The following CARF variants were observed in gnomAD, a reference collection of about 807,000 sequenced individuals.
CARF encodes the protein calcium-responsive transcription factor.
CARF carries 57 observed loss-of-function variants against 82.0 expected under a neutral mutation model. The ratio of observed to expected loss-of-function variants is 0.70; its 90% confidence interval spans 0.56 to 0.87. CARF has a LOEUF of 0.87. CARF is among the 40% of genes least tolerant of loss of function. The pLI, the probability that CARF is intolerant of heterozygous loss-of-function variation, is 0.00. For missense variants in CARF, 771 were observed against 855.8 expected, an observed-to-expected ratio of 0.90 and a Z score of 1.24; for synonymous variants, 268 against 290.1, an observed-to-expected ratio of 0.92 and a Z score of 0.77.
chr2:202,913,255 TAGAG>T (rs1338680435), intron 1 of CARF, 153 bp downstream of exon 1: 2 of 152,206 alleles, frequency 1.3e-5, no homozygotes, highest in Non-Finnish European at 2.9e-5. Flanking sequence ...TAATTTTTAT[TAGAG>T]AGCAATGACA....
At chr2:202,974,240 G>A (rs1273961601) in intron 12 of CARF, 94 bp from the exon 13 acceptor site, 1 of 862,550 alleles carries the variant, frequency 1.2e-6, no homozygotes, top group Non-Finnish European at 1.7e-6. Flanking sequence ...ATACTTTATA[G>A]AAGTTTATAC....
At chr2:202,920,763 A>C (rs2105949592) in intron 2 of CARF, among the ~76,000 whole-genome samples, 1 of 152,314 alleles carries the variant, frequency 6.6e-6, no homozygotes, top group East Asian at 1.9e-4. Context: ...TCCTAATAGG[A>C]AAAAAGCAAG....
intron 9 of CARF, among the ~76,000 whole-genome samples, chr2:202,963,505 T>C (rs563557258): frequency 6.6e-5 from 10 of 152,322 alleles, no homozygotes; most frequent in African/African-American, 2.4e-4. Flanking sequence ...GGACTGGTTT[T>C]GTGGAAGACA....
intron 3 of CARF, chr2:202,925,564 A>G: frequency 4.1e-6 from 1 of 245,264 alleles, no homozygotes; most frequent in South Asian, 4.4e-5. Flanking sequence ...TCACATGAAG[A>G]CAGATCTCTA....
At chr2:202,932,132 C>T (rs371554103) in intron 3 of CARF, among the ~76,000 whole-genome samples, 171 of 152,090 alleles carry the variant, frequency 1.1e-3, no homozygotes, top group Non-Finnish European at 1.1e-3. Flanking sequence ...AACGAGATCT[C>T]ACTATCTCAA....
At chr2:202,927,637 A>G (rs1190459850) in intron 3 of CARF, among the ~76,000 whole-genome samples, 2 of 152,156 alleles carry the variant, frequency 1.3e-5, no homozygotes, top group Non-Finnish European at 2.9e-5. Flanking sequence ...TGATCAAATC[A>G]GGATAGTTAG....
intron 10 of CARF, among the ~76,000 whole-genome samples, chr2:202,968,472 A>G (rs971738843): frequency 1.3e-5 from 2 of 152,166 alleles, no homozygotes; most frequent in Non-Finnish European, 2.9e-5. Flanking sequence ...AAGGCTTTTC[A>G]TATTTAATCC....
At chr2:202,941,771 C>T (rs1448576195) in intron 3 of CARF, 89 bp from the exon 4 acceptor site, 4 of 606,042 alleles carry the variant, frequency 6.6e-6, no homozygotes, top group Non-Finnish European at 1.2e-5. Context: ...TAGGGTACCA[C>T]AGTAGTGAAT....
intron 11 of CARF, among the ~76,000 whole-genome samples, chr2:202,971,219 A>G (rs2105913179): frequency 6.6e-6 from 1 of 152,294 alleles, no homozygotes; most frequent in South Asian, 2.1e-4. Flanking sequence ...ATTTTCATAT[A>G]TACTTAAAAT....
chr2:202,973,939 T>A (rs1054885012), intron 12 of CARF, among the ~76,000 whole-genome samples: 2 of 151,846 alleles, frequency 1.3e-5, no homozygotes, highest in Non-Finnish European at 2.9e-5. Flanking sequence ...ATACAAAAAA[T>A]TAGCCGGGCG....
chr2:202,956,050 C>G (rs929427092), intron 8 of CARF, among the ~76,000 whole-genome samples: 1 of 151,774 alleles, frequency 6.6e-6, no homozygotes, highest in Non-Finnish European at 1.5e-5. Flanking sequence ...ACTTTTCAAC[C>G]ATTTATTTTC....
chr2:202,959,186 TTATAG>T (rs1164339548), intron 8 of CARF, among the ~76,000 whole-genome samples: 4 of 151,662 alleles, frequency 2.6e-5, no homozygotes, highest in Non-Finnish European at 4.4e-5. Flanking sequence ...TATAAGTAAA[TTATAG>T]TATAGCTAAA....
At chr2:202,935,814 A>G (rs751457360) in intron 3 of CARF, among the ~76,000 whole-genome samples, 1 of 152,006 alleles carries the variant, frequency 6.6e-6, no homozygotes, top group Non-Finnish European at 1.5e-5. Context: ...ATACCTAAAA[A>G]CACCAAAAAT....
intron 1 of CARF, among the ~76,000 whole-genome samples, chr2:202,916,024 T>C (rs1166503485): frequency 6.6e-6 from 1 of 152,158 alleles, no homozygotes; most frequent in Non-Finnish European, 1.5e-5. Context: ...CCTATTAAAA[T>C]ATTTGTGAAT....
intron 3 of CARF, among the ~76,000 whole-genome samples, chr2:202,940,115 C>T (rs575325801): frequency 2.0e-5 from 3 of 152,150 alleles, no homozygotes; most frequent in Non-Finnish European, 4.4e-5. Flanking sequence ...CTCACTGCAA[C>T]CTCCACCTCC....
chr2:202,986,868 G>GTATATATATATATA lies in CARF; in HGVS notation c.*3271_*3284dup, dbSNP rs67693134. The GTATATATATATATA allele has an allele frequency of 2.0e-4, 6 of 29,650 alleles. No individual in the cohort carries two copies. Among genetic ancestry groups the GTATATATATATATA allele is most frequent in the Non-Finnish European group, 2.8e-4 (3 of 10,736 alleles). 1.8% of individuals were successfully genotyped at this position (29,650 alleles called of 1,614,324 possible). On this transcript the variant is annotated 3_prime_UTR_variant, in exon 17 of 17. Coordinates refer to ENST00000438828, the MANE Select transcript of CARF (RefSeq NM_024744.17). The stretch of plus-strand genomic sequence containing the variant: ...AAAGAGGTTTAAAAAATGTCTGTGC[G>GTATATATATATATA]TATATATATATATATATATATATAT...
chr2:202,946,776 G>C (rs2058517234), intron 5 of CARF, among the ~76,000 whole-genome samples: 1 of 152,102 alleles, frequency 6.6e-6, no homozygotes, highest in Non-Finnish European at 1.5e-5. Flanking sequence ...AATCTACAAG[G>C]AAGTTAAACA....
intron 3 of CARF, chr2:202,925,083 G>A: frequency 2.4e-6 from 1 of 411,700 alleles, no homozygotes; most frequent in Non-Finnish European, 4.8e-6. Context: ...ACAACCTAAA[G>A]CAGCAACTGG....
At chr2:202,970,698 GA>G (rs1006277394) in intron 11 of CARF, among the ~76,000 whole-genome samples, 1 of 152,096 alleles carries the variant, frequency 6.6e-6, no homozygotes, top group African/African-American at 2.4e-5. Flanking sequence ...ATCCTTCAAT[GA>G]AAGTCAAAAA....
Sources: gnomAD v4.1 joint callset for allele counts (sites outside exome capture counted in the v4.1 genomes callset) on GRCh38, gnomAD v4.1.1 for gene constraint, MANE v1.5 for transcripts, NCBI Gene and HGNC (gene_info 2026-07-23, HGNC 2026-07-21) for gene names.